GTF2A1: variants seen among roughly 807,000 people sequenced by gnomAD.
The protein encoded by GTF2A1 is transcription initiation factor IIA subunit 1.
In GTF2A1, 12 loss-of-function variants were observed where a neutral mutation model predicts 54.1. The ratio of observed to expected loss-of-function variants is 0.22; its 90% CI spans 0.14 to 0.36. The LOEUF is 0.36. Ranked by LOEUF, GTF2A1 falls within the 10% of genes least tolerant of loss-of-function variation. The probability of loss-of-function intolerance (pLI) is 1.00; values close to 1 mark genes in which losing one functional copy is unlikely to be tolerated. For synonymous variants in GTF2A1, 145 were observed against 152.0 expected (o/e 0.95, Z 0.34); for missense variants, 335 against 442.2 (o/e 0.76, Z 2.17).
intron 2 of GTF2A1, among the ~76,000 whole-genome samples, chr14:81,209,651 C>T (rs1893318064): frequency 1.3e-5 from 2 of 152,314 alleles, no homozygotes; most frequent in Admixed American, 1.3e-4. Flanking sequence ...TTACCATACA[C>T]CAACTGCTAC....
intron 3 of GTF2A1, among the ~76,000 whole-genome samples, chr14:81,203,175 A>C (rs1893151198): frequency 6.6e-6 from 1 of 152,208 alleles, no homozygotes; most frequent in South Asian, 2.1e-4. Context: ...TCAGCTGTAA[A>C]ACTGAGCCAA....
In GTF2A1 at chr14:81,175,475, C is replaced by A. The variant is rs1353656244; in HGVS notation, c.*4748G>T. On this transcript the variant is annotated 3_prime_UTR_variant, in exon 9 of 9. Transcript: ENST00000553612. ...GATTTGCTGGCAATAAATAAGATAT[C>A]TTTATTATGATTATGTTAATAGTTA... 2 of 151,980 alleles carry A rather than the reference C, an allele frequency of 1.3e-5. No homozygotes were observed. Among genetic ancestry groups the A allele is most frequent in the Admixed American group, 6.6e-5 (1 of 15,238 alleles). 9.4% of individuals were successfully genotyped at this position (151,980 alleles called of 1,614,324 possible). A position where few individuals can be genotyped will look rare whatever the true frequency, so the allele number is the denominator to read the frequency against.
chr14:81,202,504 G>T (rs1455773703), intron 3 of GTF2A1, among the ~76,000 whole-genome samples: 1 of 152,142 alleles, frequency 6.6e-6, no homozygotes, highest in Non-Finnish European at 1.5e-5. Flanking sequence ...AAGGTGGGAG[G>T]ATCACTTGAG....
chr14:81,214,313 C>T (rs1354806912), intron 2 of GTF2A1, among the ~76,000 whole-genome samples: 1 of 152,116 alleles, frequency 6.6e-6, no homozygotes, highest in Non-Finnish European at 1.5e-5. Flanking sequence ...TCTAAACCAG[C>T]AGTTCTAAAA....
At chr14:81,210,018 G>GCTACT (rs199638690) in intron 2 of GTF2A1, 5 of 442,076 alleles carry the variant, frequency 1.1e-5, no homozygotes, top group African/African-American at 2.0e-5. Context: ...ATTTTCGGCA[G>GCTACT]GACAATTCTT....
chr14:81,211,908 T>TATAA (rs987020246), intron 2 of GTF2A1, among the ~76,000 whole-genome samples: 2 of 138,576 alleles, frequency 1.4e-5, no homozygotes, highest in Admixed American at 7.3e-5. Context: ...TATATATATA[T>TATAA]AACTAGAGTA....
At chr14:81,191,719 A>G (rs1002277574) in intron 7 of GTF2A1, among the ~76,000 whole-genome samples, 2 of 152,192 alleles carry the variant, frequency 1.3e-5, no homozygotes, top group African/African-American at 4.8e-5. Flanking sequence ...GAGGCATCTA[A>G]GGCACTTTAA....
In GTF2A1 at chr14:81,176,757, G is replaced by T. The variant is rs967170323; in HGVS notation, c.*3466C>A. On this transcript the variant is annotated 3_prime_UTR_variant, in exon 9 of 9. Transcript: ENST00000553612. ...TGCTATAGCTGATTCTGACAGGTAG[G>T]TGAGAGAAAGACATGAAATAAAATG... is the stretch of plus-strand genomic sequence containing the variant. 5 of 152,006 alleles carry T rather than the reference G, an allele frequency of 3.3e-5. No homozygotes were observed. Among genetic ancestry groups the T allele is most frequent in the African/African-American group, 1.2e-4 (5 of 41,392 alleles). 9.4% of individuals were successfully genotyped at this position (152,006 alleles called of 1,614,324 possible). A position where few individuals can be genotyped will look rare whatever the true frequency, so the allele number is the denominator to read the frequency against.
chr14:81,207,238 A>G (rs796349300), intron 2 of GTF2A1, among the ~76,000 whole-genome samples: 4 of 152,188 alleles, frequency 2.6e-5, no homozygotes, highest in African/African-American at 9.6e-5. Flanking sequence ...CTTGAGTTGT[A>G]TCTCCCAGAA....
chr14:81,178,325 C>T lies in GTF2A1; in HGVS notation c.*1898G>A, dbSNP rs1007548377. ...GCAACTATATTGAAGAACAGTTGAA[C>T]AACAGCACTTCTGTGATGTTACTCC... On this transcript the variant is annotated 3_prime_UTR_variant, in exon 9 of 9. Coordinates refer to ENST00000553612, the MANE Select transcript of GTF2A1 (RefSeq NM_015859.4). 6.6e-6 allele frequency: 1 copy of T among 152,114 alleles called. No individual in the cohort carries two copies. Among genetic ancestry groups the T allele is most frequent in the East Asian group, 1.9e-4 (1 of 5,194 alleles). The allele number at this position is 152,114 out of a possible 1,614,324, so 9.4% of individuals were successfully genotyped here.
At position 81,210,837 on chromosome 14, in the gene GTF2A1, GAGACACCGCACCCA is replaced by G. The variant is rs551900484; in HGVS notation, c.132+5562_132+5575del. Among the ~76,000 whole-genome samples, 28 of 152,212 alleles carry G rather than the reference GAGACACCGCACCCA, an allele frequency of 1.8e-4. No individual in the cohort carries two copies. The South Asian group carries it at 4.8e-3, about 26-fold the overall frequency. ...CCCAAAGTGCTGGAATTACAGGCAT[GAGACACCGCACCCA>G]AGACACCGCACCCAGCCACTAACAT... On this transcript the variant is annotated intron_variant, in intron 2 of 8. Coordinates refer to ENST00000553612, the MANE Select transcript of GTF2A1 (RefSeq NM_015859.4).
rs772408774 is a variant in GTF2A1 at position 81,196,094 on chromosome 14, G to A, written c.612+14C>T. 3 of 1,610,472 alleles carry A rather than the reference G, an allele frequency of 1.9e-6. No homozygotes were observed. The highest frequency in any genetic ancestry group is 2.5e-6 in the Non-Finnish European group (3 of 1,176,992). On this transcript the variant is annotated intron_variant, in intron 6 of 8. Transcript: ENST00000553612. Reference sequence around the variant, plus strand: ...ACAGAACCCCATACTGATCATAATAGAAGATTATTTTACCTGCTGTATAAC... The same window carrying A: ...ACAGAACCCCATACTGATCATAATAAAAGATTATTTTACCTGCTGTATAAC...
intron 2 of GTF2A1, among the ~76,000 whole-genome samples, chr14:81,211,876 T>A (rs1422617158): frequency 9.2e-5 from 1 of 10,870 alleles, no homozygotes; most frequent in Non-Finnish European, 4.3e-4. Flanking sequence ...TCAAGTACTT[T>A]ATATATATAT....
At chr14:81,213,138 TTCAA>T (rs1376263551) in intron 2 of GTF2A1, among the ~76,000 whole-genome samples, 1 of 152,234 alleles carries the variant, frequency 6.6e-6, no homozygotes, top group Non-Finnish European at 1.5e-5. Context: ...TATCAAACAC[TTCAA>T]TCAAATACTT....
At chr14:81,180,427 A>T in intron 8 of GTF2A1, 97 bp from the exon 9 acceptor site, 3 of 630,208 alleles carry the variant, frequency 4.8e-6, no homozygotes, top group East Asian at 2.7e-5. Context: ...GTACACACAC[A>T]CCCCCCCACA....
At chr14:81,195,863 T>G (rs559185330) in intron 6 of GTF2A1, among the ~76,000 whole-genome samples, 4 of 151,972 alleles carry the variant, frequency 2.6e-5, no homozygotes, top group African/African-American at 9.7e-5. Flanking sequence ...CTTAGGAAGC[T>G]GGAAGGAGAG....
intron 5 of GTF2A1, among the ~76,000 whole-genome samples, chr14:81,196,810 A>G (rs1239456147): frequency 6.6e-6 from 1 of 152,236 alleles, no homozygotes; most frequent in East Asian, 1.9e-4. Context: ...AGCAAATTAC[A>G]TCTTATTAAA....
At chr14:81,213,941 C>A (rs1595231062) in intron 2 of GTF2A1, among the ~76,000 whole-genome samples, 2 of 151,464 alleles carry the variant, frequency 1.3e-5, no homozygotes, top group African/African-American at 2.4e-5. Context: ...CTCCTGGGTT[C>A]AAGCCATTCT....
intron 4 of GTF2A1, among the ~76,000 whole-genome samples, chr14:81,200,894 A>AC (rs1041747768): frequency 4.6e-5 from 7 of 151,342 alleles, no homozygotes; most frequent in Non-Finnish European, 8.8e-5. Flanking sequence ...CCAAAAAAAA[A>AC]AAAAAAACAA....
Sources: allele counts gnomAD v4.1 joint callset (sites outside exome capture counted in the v4.1 genomes callset), GRCh38; gene constraint gnomAD v4.1.1; transcripts MANE v1.5; gene names NCBI Gene and HGNC (gene_info 2026-07-23, HGNC 2026-07-21).